The following FBLN1 variants were observed in gnomAD, a reference collection of about 807,000 sequenced individuals.
FBLN1 encodes the protein fibulin 1.
FBLN1 carries 34 observed loss-of-function variants against 89.7 expected under a neutral mutation model. The ratio of observed to expected loss-of-function variants is 0.38; its 90% CI spans 0.29 to 0.50. The LOEUF (loss-of-function observed/expected upper bound fraction) is 0.50. Ranked by LOEUF, FBLN1 falls within the 20% of genes least tolerant of loss-of-function variation. The probability of loss-of-function intolerance (pLI) is 0.92; values close to 1 mark genes in which losing one functional copy is unlikely to be tolerated. For synonymous variants in FBLN1, 393 were observed against 391.3 expected (o/e 1.00, Z -0.05); for missense variants, 777 against 988.1 (o/e 0.79, Z 2.86).
rs1427613868 is a variant in FBLN1 at position 45,580,363 on chromosome 22, C to T, written c.1972+3255C>T. On this transcript the variant is annotated intron_variant, in intron 16 of 16. Transcript: ENST00000327858. This position sits in a 1 kb window ranked among gnomAD's most constrained non-coding sequence, Gnocchi z 8.6. ...CCGCCTACTCACGGTGCTTGCTGAA[C>T]ACCTGTCTGCTCTAGGCCATGCCCT... is the stretch of plus-strand genomic sequence containing the variant. 6.6e-6 allele frequency among the ~76,000 whole-genome samples: 1 copy of T among 152,166 alleles called. No individual in the cohort carries two copies. The highest frequency in any genetic ancestry group is 2.1e-4 in the South Asian group (1 of 4,832).
rs532775237 is a variant in FBLN1, at chr22:45,562,693, C to G, written c.1698-11818C>G. Among the ~76,000 whole-genome samples the G allele has an allele frequency of 6.6e-6, 1 of 152,206 alleles. No homozygotes were observed. On this transcript the variant is annotated intron_variant, in intron 14 of 16. Transcript: ENST00000327858. The surrounding 1 kb of genome is among the most constrained non-coding windows in gnomAD (Gnocchi z 7.8). ...CTTTGGCCCCCGGCCACCCAGCGCC[C>G]GAGATGGTGTTGGAAGAGGCTAGTG... is the stretch of plus-strand genomic sequence containing the variant.
chr22:45,566,403 C>T (rs2088901891), intron 14 of FBLN1, among the ~76,000 whole-genome samples: 1 of 152,208 alleles, frequency 6.6e-6, no homozygotes, highest in African/African-American at 2.4e-5. Context: ...GGAGTGACAG[C>T]TGAGTGACCT....
At chr22:45,521,428 C>G (rs951078506) in intron 2 of FBLN1, among the ~76,000 whole-genome samples, 1 of 152,160 alleles carries the variant, frequency 6.6e-6, no homozygotes, top group African/African-American at 2.4e-5. Context: ...AGTGGACACA[C>G]AGGCCAGGGG....
intron 14 of FBLN1, chr22:45,565,309 G>A (rs1404369252): frequency 7.1e-6 from 9 of 1,271,982 alleles, no homozygotes; most frequent in Non-Finnish European, 9.2e-6. Flanking sequence ...GGCCTGATCT[G>A]GCCTCTGCCC....
rs534685086 is a variant in FBLN1, at chr22:45,585,275, T to C, written c.1972+8167T>C. Among the ~76,000 whole-genome samples, 10 of 152,288 alleles carry C rather than the reference T, an allele frequency of 6.6e-5. No individual in the cohort carries two copies. In the South Asian group the frequency reaches 2.1e-3, roughly 32 times the overall value. ...GTACAAGGGCTTGTGAATGGAGATA[T>C]CTACCTAGCTGTACCTCTCCCCCTG... On this transcript the variant is annotated intron_variant, in intron 16 of 16. Coordinates refer to ENST00000327858, the MANE Select transcript of FBLN1 (RefSeq NM_006486.3).
chr22:45,587,875 T>A (rs576827635), intron 16 of FBLN1, among the ~76,000 whole-genome samples: 2 of 152,322 alleles, frequency 1.3e-5, no homozygotes, highest in East Asian at 3.9e-4. Context: ...ACGCTCCACA[T>A]GCAGAGTGTG....
intron 10 of FBLN1, 23 bp downstream of exon 10, chr22:45,542,306 C>T (rs748460059): frequency 1.2e-6 from 2 of 1,613,312 alleles, no homozygotes; most frequent in Non-Finnish European, 1.7e-6. Context: ...CCCCGCAGGC[C>T]TCGGGGGAAC....
chr22:45,505,568 C>T (rs544138369), intron 1 of FBLN1, among the ~76,000 whole-genome samples: 4 of 152,136 alleles, frequency 2.6e-5, no homozygotes, highest in East Asian at 1.9e-4. Context: ...TAGGGGCACG[C>T]GGCTGACTCA....
chr22:45,568,485 A>G (rs62225032), intron 14 of FBLN1, among the ~76,000 whole-genome samples: 1,806 of 84,400 alleles, frequency 0.021, 25 homozygotes, highest in Middle Eastern at 0.039. Context: ...CTGTAGGGGA[A>G]TGCCTCTTCT....
chr22:45,566,825 G>A (rs1030088192), intron 14 of FBLN1, among the ~76,000 whole-genome samples: 1 of 152,206 alleles, frequency 6.6e-6, no homozygotes, highest in Admixed American at 6.5e-5. Context: ...TTTCCTGGTT[G>A]TGTCACTAGT....
At chr22:45,573,461 G>T (rs907741332) in intron 14 of FBLN1, among the ~76,000 whole-genome samples, 1 of 151,456 alleles carries the variant, frequency 6.6e-6, no homozygotes, top group Non-Finnish European at 1.5e-5. Flanking sequence ...GGATCACAAG[G>T]TCAGAAGTTC....
Position 45,543,431 on chromosome 22 carries a change from G to A in FBLN1, c.1226G>A (p.Arg409His), listed in dbSNP as rs775398109. 12 of 1,613,438 alleles carry A rather than the reference G, an allele frequency of 7.4e-6. No homozygotes were observed. The highest frequency in any genetic ancestry group is 2.7e-5 in the African/African-American group (2 of 74,906). The change falls in exon 11 of 17, where the codon CGC becomes CAC. Residue 409 changes from arginine to histidine, a missense_variant. By Grantham distance (29) the Arg-to-His change is conservative. Transcript: ENST00000327858. Reference sequence around the variant, plus strand: ...AACGAGTGCCAGCGCTACCCCGGGCGCCTGTGTGGCCACAAGTGCGAGAAC... The same window carrying A: ...AACGAGTGCCAGCGCTACCCCGGGCACCTGTGTGGCCACAAGTGCGAGAAC... ...DVNECQRYPG[R>H]LCGHKCENTL...
intron 8 of FBLN1, among the ~76,000 whole-genome samples, chr22:45,540,033 G>T (rs1198146880): frequency 6.6e-6 from 1 of 152,194 alleles, no homozygotes; most frequent in East Asian, 1.9e-4. Context: ...CAGTGTAAAA[G>T]CACCCCTGAG....
In FBLN1 at chr22:45,577,155, C is replaced by T; in HGVS notation, c.1972+47C>T. ...CTCTATCCAGGCACCCCTCCCCCTC[C>T]ACCCCGAAACCCTCTCTGGCCCAGC... On this transcript the variant is annotated intron_variant, in intron 16 of 16. Coordinates refer to ENST00000327858, the MANE Select transcript of FBLN1 (RefSeq NM_006486.3). This position sits in a 1 kb window ranked among gnomAD's most constrained non-coding sequence, Gnocchi z 6.6. 1 of 1,607,606 alleles carries T rather than the reference C, an allele frequency of 6.2e-7. No individual in the cohort carries two copies.
In FBLN1 at chr22:45,550,405, G is replaced by T; in HGVS notation, c.1574-87G>T. ...CTGATCGCCACCCCTAACCCTAGTT[G>T]ATGGGAGGCCTGGGCTCCTCCGTCT... On this transcript the variant is annotated intron_variant, in intron 13 of 16. Coordinates refer to ENST00000327858, the MANE Select transcript of FBLN1 (RefSeq NM_006486.3). The surrounding 1 kb of genome is among the most constrained non-coding windows in gnomAD (Gnocchi z 8.4). The T allele has an allele frequency of 6.3e-7, 1 of 1,597,480 alleles. No individual in the cohort carries two copies. The highest frequency in any genetic ancestry group is 8.6e-7 in the Non-Finnish European group (1 of 1,168,396).
Position 45,576,619 on chromosome 22 carries a change from G to A in FBLN1, c.1841-358G>A, listed in dbSNP as rs1025497074. Among the ~76,000 whole-genome samples the A allele has an allele frequency of 1.3e-5, 2 of 152,020 alleles. No homozygotes were observed. Among genetic ancestry groups the A allele is most frequent in the African/African-American group, 4.8e-5 (2 of 41,368 alleles). ...AGCCCACCCCTCTGGCCTTTCTGCT[G>A]TCTCCCTCTGTCCCCTCACTCGCTT... On this transcript the variant is annotated intron_variant, in intron 15 of 16. Coordinates refer to ENST00000327858, the MANE Select transcript of FBLN1 (RefSeq NM_006486.3). This position sits in a 1 kb window ranked among gnomAD's most constrained non-coding sequence, Gnocchi z 5.2.
chr22:45,513,619 G>C (rs1268676783), intron 1 of FBLN1, among the ~76,000 whole-genome samples: 1 of 152,052 alleles, frequency 6.6e-6, no homozygotes, highest in Non-Finnish European at 1.5e-5. Flanking sequence ...TTCCCAAACT[G>C]TTAAATACTA....
At chr22:45,541,174 G>A in intron 8 of FBLN1, 55 bp from the exon 9 acceptor site, 1 of 1,613,114 alleles carries the variant, frequency 6.2e-7, no homozygotes, top group Non-Finnish European at 8.5e-7. Context: ...CAGTTTTTGG[G>A]TTCTGGGACA....
Position 45,545,927 on chromosome 22 carries a change from T to C in FBLN1, c.1322-1158T>C, listed in dbSNP as rs5764780. The stretch of plus-strand genomic sequence containing the variant: ...CTTTGGGAGGCTGAGGCAGGTGGAT[T>C]ACTTGAGGTCAGGAGTTCGAGACCA... On this transcript the variant is annotated intron_variant, in intron 11 of 16. Coordinates refer to ENST00000327858, the MANE Select transcript of FBLN1 (RefSeq NM_006486.3). This position sits in a 1 kb window ranked among gnomAD's most constrained non-coding sequence, Gnocchi z 5.9. Among the ~76,000 whole-genome samples the C allele has an allele frequency of 0.72, 108,864 of 152,004 alleles. 39,711 individuals carry two copies. Among genetic ancestry groups the C allele is most frequent in the East Asian group, 0.85 (4,364 of 5,144 alleles).
Sources: gnomAD v4.1 joint callset for allele counts (sites outside exome capture counted in the v4.1 genomes callset) on GRCh38, gnomAD v4.1.1 for gene constraint, Gnocchi (gnomAD v3.1) non-coding constraint, MANE v1.5 for transcripts, NCBI Gene and HGNC (gene_info 2026-07-23, HGNC 2026-07-21) for gene names.